TGM7: variants seen among roughly 807,000 people sequenced by gnomAD.
TGM7 encodes transglutaminase 7, also known as protein-glutamine gamma-glutamyltransferase Z.
A neutral mutation model predicts 79.5 loss-of-function variants in TGM7; 74 were observed. That is an observed-to-expected ratio of 0.93 (90% CI 0.77 to 1.13). The LOEUF (loss-of-function observed/expected upper bound fraction) is 1.13. Ranked by LOEUF, TGM7 falls within the 50% of genes most tolerant of loss-of-function variation. TGM7 has a pLI of 0.00. For synonymous variants in TGM7, 354 were observed against 362.5 expected (o/e 0.98, Z 0.27); for missense variants, 912 against 905.9 (o/e 1.01, Z -0.09).
chr15:43,297,635 A>AAGAAAGAAAGAG (rs5812242), intron 1 of TGM7, among the ~76,000 whole-genome samples: 6,624 of 77,566 alleles, frequency 0.085, 224 homozygotes, highest in Admixed American at 0.12. Flanking sequence ...GAAAGAAAGA[A>AAGAAAGAAAGAG]AAAGAAAGAA....
chr15:43,297,506 A>AG (rs2043002790), intron 1 of TGM7, among the ~76,000 whole-genome samples: 1 of 113,354 alleles, frequency 8.8e-6, no homozygotes, highest in Non-Finnish European at 1.7e-5. Flanking sequence ...AAAGAAAGAA[A>AG]GAAGGAAGGA....
chr15:43,284,376 A>G (rs1346235810), intron 7 of TGM7, among the ~76,000 whole-genome samples: 1 of 152,172 alleles, frequency 6.6e-6, no homozygotes, highest in Non-Finnish European at 1.5e-5. Flanking sequence ...ATATACATGC[A>G]CAGACACATG....
chr15:43,282,135 T>A (rs1190427179), intron 8 of TGM7, 49 bp from the exon 9 acceptor site: 1 of 1,601,736 alleles, frequency 6.2e-7, no homozygotes, highest in African/African-American at 1.3e-5. Context: ...CAGCTGGTTG[T>A]GGCTGTGGGA....
chr15:43,287,013 G>A (rs1272459727), intron 6 of TGM7, among the ~76,000 whole-genome samples: 1 of 152,110 alleles, frequency 6.6e-6, no homozygotes, highest in African/African-American at 2.4e-5. Flanking sequence ...TTCTGCTTCG[G>A]GACCACAAAC....
intron 12 of TGM7, 40 bp from the exon 13 acceptor site, chr15:43,276,654 C>T: frequency 7.5e-6 from 12 of 1,592,304 alleles, no homozygotes; most frequent in Non-Finnish European, 1.0e-5. Context: ...TCGAGGACTT[C>T]CTGCTGGCGG....
At position 43,276,458 on chromosome 15, in the gene TGM7, G is replaced by A; in HGVS notation, c.2130C>T (p.Pro710=). 1 of 1,611,756 alleles carries A rather than the reference G, an allele frequency of 6.2e-7. No individual in the cohort carries two copies. The highest frequency in any genetic ancestry group is 1.3e-5 in the African/African-American group (1 of 75,004). Residue 710 remains proline, a synonymous_variant, in exon 13 of 13, where the codon CCC becomes CCT. Transcript: ENST00000452443. The stretch of plus-strand genomic sequence containing the variant: ...GAGGGCAGCTGGAGGGCGGGTCTCA[G>A]GGAGCCCCAGCCACAGTGACGAAGA... ...KDIFVTVAGA[P]
chr15:43,278,655 T>G (rs888690470), intron 11 of TGM7, among the ~76,000 whole-genome samples: 1 of 152,218 alleles, frequency 6.6e-6, no homozygotes, highest in African/African-American at 2.4e-5. Context: ...GGTCTCGCTA[T>G]GTTGCCCAGA....
At chr15:43,283,480 C>CT (rs11335371) in intron 7 of TGM7, among the ~76,000 whole-genome samples, 23 of 151,524 alleles carry the variant, frequency 1.5e-4, no homozygotes, top group Admixed American at 1.1e-3. Context: ...CTCTCTTTTT[C>CT]TTTTTTTTTG....
intron 6 of TGM7, 46 bp from the exon 7 acceptor site, chr15:43,284,998 A>G (rs1696474300): frequency 1.2e-6 from 2 of 1,607,446 alleles, no homozygotes; most frequent in Admixed American, 1.7e-5. Context: ...TTCAGGCAGA[A>G]TTATTGGTTT....
In TGM7 at chr15:43,287,685, A is replaced by T; in HGVS notation, c.559-16T>A. 6.3e-7 allele frequency: 1 copy of T among 1,599,070 alleles called. No individual in the cohort carries two copies. Among genetic ancestry groups the T allele is most frequent in the East Asian group, 2.2e-5 (1 of 44,844 alleles). ...CCTCTTCAAACTTCCAAGTGATTTTAAGGGAGAAAAAAGAGAAGAGCAAAT... is the reference window on the plus strand; with the variant it reads ...CCTCTTCAAACTTCCAAGTGATTTTTAGGGAGAAAAAAGAGAAGAGCAAAT... On this transcript the variant is annotated splice_polypyrimidine_tract_variant and intron_variant, in intron 4 of 12. Coordinates refer to ENST00000452443, the MANE Select transcript of TGM7 (RefSeq NM_052955.3).
At chr15:43,293,413 C>T (rs1264739669) in intron 2 of TGM7, 36 bp downstream of exon 2, 1 of 1,545,848 alleles carries the variant, frequency 6.5e-7, no homozygotes, top group Non-Finnish European at 8.8e-7. Context: ...CTCATTTTGA[C>T]GGAACCTGCG....
intron 11 of TGM7, 120 bp downstream of exon 11, chr15:43,278,997 T>C: frequency 9.2e-7 from 1 of 1,091,982 alleles, no homozygotes; most frequent in Non-Finnish European, 1.3e-6. Flanking sequence ...CACACCATAC[T>C]GTGCTGGAGC....
chr15:43,284,991 A>G, intron 6 of TGM7, 39 bp from the exon 7 acceptor site: 1 of 1,609,682 alleles, frequency 6.2e-7, no homozygotes, highest in Non-Finnish European at 8.5e-7. Context: ...AGTTCATTTC[A>G]GGCAGAATTA....
At position 43,293,536 on chromosome 15, in the gene TGM7, G is replaced by A. The variant is rs1273816188; in HGVS notation, c.106C>T (p.Arg36Cys). The change falls in exon 2 of 13, where the codon CGC becomes TGC. Residue 36 changes from arginine (R) to cysteine (C), a missense_variant. Transcript: ENST00000452443. ...QEMGVKRLTV[R>C]RGQPFYLRLS... ...CGGAGGTAGAAGGGCTGGCCGCGGC[G>A]CACAGTGAGCCGCTTGACGCCCATC... The A allele has an allele frequency of 1.2e-6, 2 of 1,609,312 alleles. No homozygotes were observed. The highest frequency in any genetic ancestry group is 1.7e-5 in the Admixed American group (1 of 59,742).
chr15:43,293,827 G>C (rs1480739320), intron 1 of TGM7, among the ~76,000 whole-genome samples, 196 bp from the exon 2 acceptor site: 4 of 51,006 alleles, frequency 7.8e-5, no homozygotes, highest in Non-Finnish European at 1.5e-4. Flanking sequence ...GGGGTGTGCT[G>C]GGGAGGGTGG....
At chr15:43,276,815 C>G in intron 12 of TGM7, 47 bp downstream of exon 12, 3 of 1,602,592 alleles carry the variant, frequency 1.9e-6, no homozygotes, top group Non-Finnish European at 2.6e-6. Context: ...ATGGGGCACC[C>G]CTTTCCTGAG....
At chr15:43,290,380 T>C (rs911084191) in intron 4 of TGM7, among the ~76,000 whole-genome samples, 7 of 152,352 alleles carry the variant, frequency 4.6e-5, no homozygotes, top group Admixed American at 6.5e-5. Flanking sequence ...GTTGTAGATA[T>C]GCAGCATTCT....
intron 6 of TGM7, among the ~76,000 whole-genome samples, chr15:43,285,351 G>A (rs1323412580): frequency 6.6e-6 from 1 of 152,202 alleles, no homozygotes; most frequent in Non-Finnish European, 1.5e-5. Flanking sequence ...GGCCAACATG[G>A]GGAAACCCCG....
chr15:43,296,349 C>T (rs1030633530), intron 1 of TGM7, among the ~76,000 whole-genome samples: 5 of 144,250 alleles, frequency 3.5e-5, no homozygotes, highest in Non-Finnish European at 4.5e-5. Context: ...GGCGTGAACC[C>T]GGGAGGCAGA....
Sources: allele counts gnomAD v4.1 joint callset (sites outside exome capture counted in the v4.1 genomes callset), GRCh38; gene constraint gnomAD v4.1.1; transcripts MANE v1.5; gene names NCBI Gene and HGNC (gene_info 2026-07-23, HGNC 2026-07-21).